NDST3: variants seen among roughly 807,000 people sequenced by gnomAD.
NDST3 encodes the protein bifunctional heparan sulfate N-deacetylase/N-sulfotransferase 3.
A neutral mutation model predicts 96.1 loss-of-function variants in NDST3; 58 were observed. The ratio of observed to expected loss-of-function variants is 0.60; its 90% CI spans 0.49 to 0.75. The LOEUF (loss-of-function observed/expected upper bound fraction) is 0.75. Ranked by LOEUF, NDST3 falls within the 30% of genes least tolerant of loss-of-function variation. The probability of loss-of-function intolerance (pLI) is 0.00; values close to 1 mark genes in which losing one functional copy is unlikely to be tolerated. For missense variants in NDST3, 788 were observed against 1,034.2 expected, an observed-to-expected ratio of 0.76 and a Z score of 3.27; for synonymous variants, 333 against 359.7, an observed-to-expected ratio of 0.93 and a Z score of 0.84.
At chr4:118,039,633 G>T (rs371229064) in intron 1 of NDST3, among the ~76,000 whole-genome samples, 5 of 152,156 alleles carry the variant, frequency 3.3e-5, no homozygotes, top group Non-Finnish European at 7.3e-5. Flanking sequence ...TAACAGGGAG[G>T]CCTGACAGAT....
chr4:118,062,926 C>T (rs1352735433), intron 2 of NDST3, among the ~76,000 whole-genome samples: 1 of 152,084 alleles, frequency 6.6e-6, no homozygotes, highest in Non-Finnish European at 1.5e-5. Flanking sequence ...CACAGTGGCT[C>T]ATGCCTGTAA....
rs1426882074 is a variant in NDST3 at position 118,066,280 on chromosome 4, AT to A, written c.981+11391del. ...ATTATATATATTATATATATTATAT[AT>A]TATATATATTATATATATTATGTAT... On this transcript the variant is annotated intron_variant, in intron 2 of 13. Transcript: ENST00000296499. Among the ~76,000 whole-genome samples the A allele has an allele frequency of 2.5e-4, 3 of 12,104 alleles. 1 individual carries two copies. The highest frequency in any genetic ancestry group is 0.012 in the South Asian group (1 of 82). 7.9% of individuals were successfully genotyped at this position (12,104 alleles called of 152,430 possible). A position where few individuals can be genotyped will look rare whatever the true frequency, so the allele number is the denominator to read the frequency against.
intron 12 of NDST3, among the ~76,000 whole-genome samples, chr4:118,252,976 TC>T (rs1054865391): frequency 6.6e-6 from 1 of 152,066 alleles, no homozygotes; most frequent in Non-Finnish European, 1.5e-5. Context: ...AGAAAGTAGC[TC>T]TGAAAAAAAT....
At chr4:118,213,349 T>C (rs1397960002) in intron 6 of NDST3, among the ~76,000 whole-genome samples, 2 of 152,212 alleles carry the variant, frequency 1.3e-5, no homozygotes, top group African/African-American at 2.4e-5. Context: ...CACAATAAGA[T>C]ACTAGCCTTT....
chr4:118,087,366 G>C (rs561949468), intron 2 of NDST3, among the ~76,000 whole-genome samples: 1 of 152,106 alleles, frequency 6.6e-6, no homozygotes, highest in Middle Eastern at 3.2e-3. Flanking sequence ...GGCAGGGAAA[G>C]TCTTAACTCT....
rs376477804 is a variant in NDST3 at position 118,152,625 on chromosome 4, T to C, written c.1539+8941T>C. Among the ~76,000 whole-genome samples the C allele has an allele frequency of 3.3e-5, 5 of 152,146 alleles. No homozygotes were observed. The East Asian group carries it at 7.7e-4, about 24-fold the overall frequency. Reference sequence around the variant, plus strand: ...ACTTTAAACAAGGTAAAGAAAAAAATGAGAAATGCTAATATTAATCTTGCC... The same window carrying C: ...ACTTTAAACAAGGTAAAGAAAAAAACGAGAAATGCTAATATTAATCTTGCC... On this transcript the variant is annotated intron_variant, in intron 6 of 13. Transcript: ENST00000296499.
At chr4:118,124,751 A>T (rs1190847010) in intron 4 of NDST3, among the ~76,000 whole-genome samples, 2 of 152,066 alleles carry the variant, frequency 1.3e-5, no homozygotes, top group Admixed American at 1.3e-4. Context: ...TTTTCCGGAG[A>T]TGAGTAACTC....
chr4:118,035,561 A>T (rs1724104732), intron 1 of NDST3, among the ~76,000 whole-genome samples: 1 of 151,636 alleles, frequency 6.6e-6, no homozygotes, highest in Admixed American at 6.6e-5. Context: ...GCTGAAGGGA[A>T]TTTTTTTCCC....
At chr4:118,124,971 AC>A (rs1475693428) in intron 4 of NDST3, among the ~76,000 whole-genome samples, 8 of 152,074 alleles carry the variant, frequency 5.3e-5, no homozygotes, top group Middle Eastern at 3.2e-3. Context: ...AGAGAGACTC[AC>A]CTAAACCTCA....
chr4:118,068,805 A>G (rs537975125), intron 2 of NDST3, among the ~76,000 whole-genome samples: 1 of 152,274 alleles, frequency 6.6e-6, no homozygotes, highest in African/African-American at 2.4e-5. Flanking sequence ...TTAATTTTAC[A>G]TATATAAGCA....
At chr4:118,080,854 C>T (rs1467278191) in intron 2 of NDST3, among the ~76,000 whole-genome samples, 2 of 152,112 alleles carry the variant, frequency 1.3e-5, no homozygotes, top group Non-Finnish European at 2.9e-5. Flanking sequence ...AGAAGATAAA[C>T]TGAACTCATT....
intron 2 of NDST3, among the ~76,000 whole-genome samples, chr4:118,084,825 A>T (rs1035394554): frequency 6.6e-6 from 1 of 152,168 alleles, no homozygotes; most frequent in Non-Finnish European, 1.5e-5. Context: ...CATTATTTAA[A>T]AACAACTGGA....
chr4:118,184,602 T>TACACACACACACACACAC (rs562099266), intron 6 of NDST3, among the ~76,000 whole-genome samples: 1 of 138,490 alleles, frequency 7.2e-6, no homozygotes, highest in Non-Finnish European at 1.6e-5. Context: ...TCTCTCTCTC[T>TACACACACACACACACAC]ACACACACAC....
At chr4:118,191,811 T>C (rs768831571) in intron 6 of NDST3, among the ~76,000 whole-genome samples, 5 of 152,210 alleles carry the variant, frequency 3.3e-5, no homozygotes, top group South Asian at 2.1e-4. Flanking sequence ...GATAGTAGGA[T>C]TGCTGAATCA....
chr4:118,170,720 C>T (rs561079431), intron 6 of NDST3, among the ~76,000 whole-genome samples: 1 of 151,896 alleles, frequency 6.6e-6, no homozygotes, highest in South Asian at 2.1e-4. Flanking sequence ...CAGAGTGAGA[C>T]CCCATCTCAA....
intron 6 of NDST3, among the ~76,000 whole-genome samples, chr4:118,163,284 A>G (rs1735306168): frequency 1.3e-5 from 2 of 152,218 alleles, no homozygotes; most frequent in South Asian, 4.1e-4. Context: ...TCATGCTGCT[A>G]TAAAGACACA....
Position 118,087,200 on chromosome 4 carries a change from A to G in NDST3, c.982-17818A>G, listed in dbSNP as rs558804385. The stretch of plus-strand genomic sequence containing the variant: ...TAAATGTAAAGTGGTGAAATCGTGC[A>G]TGCCTTCTCTCTCTTGAGTTGTTTT... On this transcript the variant is annotated intron_variant, in intron 2 of 13. Coordinates refer to ENST00000296499, the MANE Select transcript of NDST3 (RefSeq NM_004784.3). 3.0e-4 allele frequency among the ~76,000 whole-genome samples: 46 copies of G among 152,288 alleles called. 2 individuals are homozygous for G. The South Asian group carries it at 9.5e-3, about 32-fold the overall frequency.
intron 2 of NDST3, among the ~76,000 whole-genome samples, chr4:118,063,816 A>C (rs1343711702): frequency 6.6e-6 from 1 of 152,182 alleles, no homozygotes; most frequent in Non-Finnish European, 1.5e-5. Flanking sequence ...TGGCATTCCT[A>C]GAATACAAAA....
chr4:118,253,585 C>G lies in NDST3; in HGVS notation c.2486C>G (p.Pro829Arg). ...GGAAAGAGCAAAGGAAGAAAATACC[C>G]TCCAATGGATTCTGATGTAAGCATA... The part of the protein sequence containing the change: ...CLGKSKGRKY[P>R]PMDSDSRTFL... The change falls in exon 13 of 14, where the codon CCT becomes CGT. Residue 829 changes from proline to arginine, a missense_variant. Transcript: ENST00000296499. 6.2e-7 allele frequency: 1 copy of G among 1,609,004 alleles called. No individual in the cohort carries two copies. Among genetic ancestry groups the G allele is most frequent in the South Asian group, 1.1e-5 (1 of 90,682 alleles).
Sources: allele counts gnomAD v4.1 joint callset (sites outside exome capture counted in the v4.1 genomes callset), GRCh38; gene constraint gnomAD v4.1.1; transcripts MANE v1.5; gene names NCBI Gene and HGNC (gene_info 2026-07-23, HGNC 2026-07-21).